The following FGD6 variants were observed in gnomAD, a reference collection of about 807,000 sequenced individuals.
FGD6 encodes the protein FYVE, RhoGEF and PH domain-containing protein 6.
FGD6 carries 90 observed loss-of-function variants against 149.4 expected under a neutral mutation model. The ratio of observed to expected loss-of-function variants is 0.60; its 90% confidence interval spans 0.51 to 0.72. The LOEUF is 0.72. Among genes scored for constraint, FGD6 ranks in the 30% least tolerant of loss-of-function variants. The probability of loss-of-function intolerance (pLI) is 0.00; values close to 1 mark genes in which losing one functional copy is unlikely to be tolerated. For missense variants in FGD6, 1,437 were observed against 1,684.8 expected, an observed-to-expected ratio of 0.85 and a Z score of 2.57; for synonymous variants, 527 against 584.0, an observed-to-expected ratio of 0.90 and a Z score of 1.41.
Position 95,165,814 on chromosome 12 carries a change from TC to T in FGD6, c.2586+6785del, listed in dbSNP as rs1335061034. 6.6e-5 allele frequency among the ~76,000 whole-genome samples: 10 copies of T among 151,606 alleles called. No homozygotes were observed. The South Asian group carries it at 1.0e-3, about 16-fold the overall frequency. ...CACCATACCTGGCTAATTTTTTGTG[TC>T]TGTTTTTTTTTTGTAGGCATGGGGT... On this transcript the variant is annotated intron_variant, in intron 3 of 20. Coordinates refer to ENST00000343958, the MANE Select transcript of FGD6 (RefSeq NM_018351.4).
intron 1 of FGD6, among the ~76,000 whole-genome samples, chr12:95,213,570 T>C (rs1199475974): frequency 6.6e-6 from 1 of 152,244 alleles, no homozygotes; most frequent in East Asian, 1.9e-4. Context: ...GAAAACTTCA[T>C]CTCTCATCAA....
chr12:95,152,432 A>G (rs1399181482), intron 5 of FGD6, among the ~76,000 whole-genome samples: 1 of 152,214 alleles, frequency 6.6e-6, no homozygotes, highest in Non-Finnish European at 1.5e-5. Flanking sequence ...TGGAGGTAGT[A>G]AAAGGAAAAA....
At chr12:95,125,883 TGCGCTCAAGTGAG>T in intron 8 of FGD6, 1 of 1,319,916 alleles carries the variant, frequency 7.6e-7, no homozygotes, top group Non-Finnish European at 1.1e-6. Context: ...TGGTGGACCT[TGCGCTCAAGTGAG>T]GAGACAGGCC....
At chr12:95,084,393 G>T (rs1877790835) in intron 20 of FGD6, 105 bp downstream of exon 20, 1 of 918,394 alleles carries the variant, frequency 1.1e-6, no homozygotes, top group Non-Finnish European at 1.6e-6. Flanking sequence ...AATCTCTGAT[G>T]TAAATTTTGA....
chr12:95,214,918 A>T (rs1346047597), intron 1 of FGD6, among the ~76,000 whole-genome samples: 1 of 139,374 alleles, frequency 7.2e-6, no homozygotes, highest in East Asian at 2.1e-4. Flanking sequence ...GCTAGAGTGC[A>T]GTGGCTCGAT....
chr12:95,138,631 TC>T (rs1314011159), intron 6 of FGD6, among the ~76,000 whole-genome samples: 1 of 152,174 alleles, frequency 6.6e-6, no homozygotes, highest in African/African-American at 2.4e-5. Context: ...CTCTTCCTCT[TC>T]CCCATTTCTC....
chr12:95,144,680 C>T (rs1211859799), intron 5 of FGD6, among the ~76,000 whole-genome samples: 1 of 151,178 alleles, frequency 6.6e-6, no homozygotes, highest in Admixed American at 6.6e-5. Context: ...GCATGAGCCA[C>T]GGCGCCCAGC....
At chr12:95,191,295 G>A (rs1881582014) in intron 2 of FGD6, among the ~76,000 whole-genome samples, 1 of 152,188 alleles carries the variant, frequency 6.6e-6, no homozygotes, top group African/African-American at 2.4e-5. Context: ...ATCTAATAAA[G>A]ACAGATGCAT....
intron 15 of FGD6, 57 bp from the exon 16 acceptor site, chr12:95,092,902 C>G (rs118120429): frequency 6.5e-7 from 1 of 1,543,122 alleles, no homozygotes; most frequent in East Asian, 2.4e-5. Flanking sequence ...CCTTTTTATT[C>G]GGCAGTGGCA....
intron 1 of FGD6, among the ~76,000 whole-genome samples, chr12:95,212,873 T>G (rs2056735237): frequency 6.6e-6 from 1 of 152,232 alleles, no homozygotes; most frequent in Non-Finnish European, 1.5e-5. Flanking sequence ...TCCCTAAATC[T>G]CTACTTCTAT....
intron 2 of FGD6, among the ~76,000 whole-genome samples, chr12:95,193,045 G>A (rs918923831): frequency 1.4e-4 from 22 of 152,250 alleles, no homozygotes; most frequent in Non-Finnish European, 2.2e-4. Context: ...CTCATACATC[G>A]CTGGTAGGAA....
chr12:95,119,709 TC>T (rs999515799), intron 8 of FGD6, among the ~76,000 whole-genome samples: 1 of 152,214 alleles, frequency 6.6e-6, no homozygotes, highest in African/African-American at 2.4e-5. Context: ...AGTGGGCAGA[TC>T]ACCGGAGGTC....
intron 19 of FGD6, 65 bp downstream of exon 19, chr12:95,085,715 T>C (rs1477127750): frequency 1.3e-6 from 2 of 1,503,340 alleles, no homozygotes; most frequent in African/African-American, 1.4e-5. Context: ...TTTTAAAATA[T>C]TGTAATTACT....
chr12:95,124,809 G>A (rs1387235921), intron 8 of FGD6, among the ~76,000 whole-genome samples: 1 of 152,112 alleles, frequency 6.6e-6, no homozygotes, highest in Non-Finnish European at 1.5e-5. Context: ...CAGTATCAGT[G>A]ATATCTGTGA....
Position 95,113,638 on chromosome 12 carries a change from AG to A in FGD6, c.3133+12del, listed in dbSNP as rs1183837837. The A allele has an allele frequency of 6.3e-7, 1 of 1,582,688 alleles. No homozygotes were observed. Among genetic ancestry groups the A allele is most frequent in the Non-Finnish European group, 8.6e-7 (1 of 1,164,412 alleles). On this transcript the variant is annotated intron_variant, in intron 9 of 20. Coordinates refer to ENST00000343958, the MANE Select transcript of FGD6 (RefSeq NM_018351.4). ...ATAATATAAAAACTTCTGCAACCACAGAAGTTATTTACCTTGAGTGTCTCTG... is the reference window on the plus strand; with the variant it reads ...ATAATATAAAAACTTCTGCAACCACAAAGTTATTTACCTTGAGTGTCTCTG...
At chr12:95,125,745 C>T (rs536136272) in intron 8 of FGD6, 1 of 636,062 alleles carries the variant, frequency 1.6e-6, no homozygotes, top group East Asian at 2.7e-5. Flanking sequence ...TTCCTTCTCA[C>T]CGACTGCCGC....
chr12:95,111,046 G>A (rs1341852840), intron 9 of FGD6, among the ~76,000 whole-genome samples: 2 of 151,986 alleles, frequency 1.3e-5, no homozygotes, highest in East Asian at 3.9e-4. Context: ...GCAGTCGCGG[G>A]ATCTCGGCTT....
At chr12:95,119,100 A>C (rs1462174068) in intron 8 of FGD6, among the ~76,000 whole-genome samples, 1 of 151,982 alleles carries the variant, frequency 6.6e-6, no homozygotes, top group Admixed American at 6.6e-5. Context: ...CTAAGTCTTT[A>C]GATGATGATG....
rs1877608854 is a variant in FGD6 at position 95,079,691 on chromosome 12, T to G, written c.*1829A>C. ...CTGCTATGACAGAAAGGGGATGGCA[T>G]GTTAGGATTGTGTATGAGGTTCAAA... On this transcript the variant is annotated 3_prime_UTR_variant, in exon 21 of 21. Coordinates refer to ENST00000343958, the MANE Select transcript of FGD6 (RefSeq NM_018351.4). 1 of 152,104 alleles carries G rather than the reference T, an allele frequency of 6.6e-6. No homozygotes were observed. The highest frequency in any genetic ancestry group is 6.5e-5 in the Admixed American group (1 of 15,270). 9.4% of individuals were successfully genotyped at this position (152,104 alleles called of 1,614,324 possible).
Sources: allele counts gnomAD v4.1 joint callset (sites outside exome capture counted in the v4.1 genomes callset), GRCh38; gene constraint gnomAD v4.1.1; transcripts MANE v1.5; gene names NCBI Gene and HGNC (gene_info 2026-07-23, HGNC 2026-07-21).